PDE4D: variants seen among roughly 807,000 people sequenced by gnomAD.
PDE4D encodes the protein 3',5'-cyclic-AMP phosphodiesterase 4D.
In PDE4D, 24 loss-of-function variants were observed where a neutral mutation model predicts 87.4. The observed-to-expected ratio is 0.27, with a 90% CI of 0.20 to 0.39. PDE4D has a LOEUF of 0.39. Ranked by LOEUF, PDE4D falls within the 10% of genes least tolerant of loss-of-function variation. The pLI is 1.00. For missense variants in PDE4D, 714 were observed against 1,041.0 expected (o/e 0.69, Z 4.32); for synonymous variants, 384 against 383.2 (o/e 1.00, Z -0.02).
chr5:59,289,879 C>T (rs565748281), intron 1 of PDE4D, among the ~76,000 whole-genome samples: 13 of 151,856 alleles, frequency 8.6e-5, no homozygotes, highest in Admixed American at 7.9e-4. Flanking sequence ...TTCTACATGC[C>T]AACAGTGAAC....
intron 1 of PDE4D, among the ~76,000 whole-genome samples, chr5:59,656,036 T>A (rs1744295389): frequency 6.6e-6 from 1 of 152,120 alleles, no homozygotes; most frequent in Non-Finnish European, 1.5e-5. Context: ...TCAAGTCACA[T>A]ACTCAATTCA....
intron 1 of PDE4D, among the ~76,000 whole-genome samples, chr5:59,224,492 A>G (rs1753302075): frequency 2.6e-5 from 4 of 152,218 alleles, no homozygotes; most frequent in Admixed American, 6.5e-5. Context: ...TGTCTGGACT[A>G]TAAATGAAAG....
chr5:60,027,051 G>A (rs143084701), intron 2 of PDE4D, among the ~76,000 whole-genome samples: 4 of 151,998 alleles, frequency 2.6e-5, no homozygotes, highest in Non-Finnish European at 2.9e-5. Context: ...TCATTCCCCC[G>A]CCATTTTTTT....
chr5:59,122,593 T>C (rs1396234794), intron 5 of PDE4D, among the ~76,000 whole-genome samples: 1 of 152,198 alleles, frequency 6.6e-6, no homozygotes, highest in Non-Finnish European at 1.5e-5. Flanking sequence ...AATACCCCGA[T>C]TCCATCATTA....
intron 1 of PDE4D, among the ~76,000 whole-genome samples, chr5:59,422,190 A>G (rs546460960): frequency 2.0e-4 from 30 of 152,064 alleles, no homozygotes; most frequent in Non-Finnish European, 2.9e-4. Flanking sequence ...TGAATGAAGC[A>G]CTGACCATCT....
intron 5 of PDE4D, among the ~76,000 whole-genome samples, chr5:59,167,791 A>C (rs1289687169): frequency 6.6e-6 from 1 of 152,138 alleles, no homozygotes; most frequent in African/African-American, 2.4e-5. Context: ...ACAAACCTCT[A>C]GAGTAATGGT....
chr5:59,211,118 A>T (rs952462695), intron 2 of PDE4D, among the ~76,000 whole-genome samples: 17 of 152,162 alleles, frequency 1.1e-4, no homozygotes, highest in Admixed American at 5.2e-4. Context: ...TTTGTTATCT[A>T]GTTGTTTCTA....
intron 1 of PDE4D, among the ~76,000 whole-genome samples, chr5:60,268,355 C>T (rs1394462876): frequency 2.0e-5 from 3 of 152,158 alleles, no homozygotes; most frequent in African/African-American, 7.2e-5. Flanking sequence ...AGAAGCCACT[C>T]CCCTAGGTCT....
intron 1 of PDE4D, among the ~76,000 whole-genome samples, chr5:60,250,653 T>TAA (rs1748323016): frequency 6.6e-6 from 1 of 152,004 alleles, no homozygotes; most frequent in African/African-American, 2.4e-5. Flanking sequence ...ATAAAAAACC[T>TAA]ACTGTGCTGT....
chr5:60,493,556 GAGA>G (rs1342772368), intron 1 of PDE4D, among the ~76,000 whole-genome samples: 1 of 151,874 alleles, frequency 6.6e-6, no homozygotes, highest in East Asian at 1.9e-4. Flanking sequence ...AGCCACCCCA[GAGA>G]AGGAGTATGG....
intron 1 of PDE4D, among the ~76,000 whole-genome samples, chr5:59,270,051 G>C (rs1298228139): frequency 1.3e-5 from 2 of 152,078 alleles, no homozygotes; most frequent in African/African-American, 4.8e-5. Context: ...TGACTTTAAA[G>C]AGTAAACCTA....
At chr5:59,442,211 G>A (rs2153636564) in intron 1 of PDE4D, among the ~76,000 whole-genome samples, 1 of 152,262 alleles carries the variant, frequency 6.6e-6, no homozygotes, top group East Asian at 1.9e-4. Context: ...GCAGTATCTT[G>A]GAAGATCATT....
intron 1 of PDE4D, among the ~76,000 whole-genome samples, chr5:59,807,096 G>C (rs1380570118): frequency 1.3e-5 from 2 of 152,038 alleles, no homozygotes; most frequent in Non-Finnish European, 2.9e-5. Flanking sequence ...CCCCTTTCTG[G>C]CCAGCACTGT....
intron 2 of PDE4D, among the ~76,000 whole-genome samples, chr5:60,074,133 ATCTT>A (rs1773035853): frequency 6.6e-6 from 1 of 151,990 alleles, no homozygotes; most frequent in Non-Finnish European, 1.5e-5. Context: ...TTTATTTTAA[ATCTT>A]TCTAACTTTT....
chr5:58,993,033 C>A (rs996501307), intron 7 of PDE4D, among the ~76,000 whole-genome samples: 1 of 152,086 alleles, frequency 6.6e-6, no homozygotes, highest in Non-Finnish European at 1.5e-5. Context: ...ACACCTATTG[C>A]CCAACAATGG....
intron 1 of PDE4D, among the ~76,000 whole-genome samples, chr5:59,791,662 C>T (rs75724778): frequency 0.025 from 3,806 of 152,168 alleles, 134 homozygotes; most frequent in African/African-American, 0.076. Context: ...GTCACAAGAC[C>T]GGGCCCTGTA....
intron 1 of PDE4D, among the ~76,000 whole-genome samples, chr5:59,766,569 G>A (rs1478893092): frequency 6.6e-6 from 1 of 152,132 alleles, no homozygotes; most frequent in Non-Finnish European, 1.5e-5. Flanking sequence ...CTGAGTTGAG[G>A]GCCACTCATT....
chr5:59,457,533 TA>T (rs1479980653), intron 1 of PDE4D, among the ~76,000 whole-genome samples: 1 of 152,148 alleles, frequency 6.6e-6, no homozygotes, highest in African/African-American at 2.4e-5. Context: ...ACCCTATACT[TA>T]AGAGATGTTC....
chr5:60,330,603 C>T (rs755532529), intron 1 of PDE4D, among the ~76,000 whole-genome samples: 10 of 152,224 alleles, frequency 6.6e-5, no homozygotes, highest in African/African-American at 9.6e-5. Context: ...CAAGCAGGGC[C>T]GCACCAACAG....
Sources: allele counts gnomAD v4.1 joint callset (sites outside exome capture counted in the v4.1 genomes callset), GRCh38; gene constraint gnomAD v4.1.1; transcripts MANE v1.5; gene names NCBI Gene and HGNC (gene_info 2026-07-23, HGNC 2026-07-21).